WDR7: variants seen among roughly 807,000 people sequenced by gnomAD.
WDR7 encodes WD repeat-containing protein 7.
In WDR7, 46 loss-of-function variants were observed where a neutral mutation model predicts 169.4. The ratio of observed to expected loss-of-function variants is 0.27; its 90% CI spans 0.21 to 0.35. The LOEUF (loss-of-function observed/expected upper bound fraction) is 0.35. WDR7 is among the 10% of genes least tolerant of loss of function. The pLI, the probability that WDR7 is intolerant of heterozygous loss-of-function variation, is 1.00. For missense variants in WDR7, 1,534 were observed against 1,859.3 expected (o/e 0.83, Z 3.22); for synonymous variants, 612 against 666.8 (o/e 0.92, Z 1.27).
At chr18:56,695,266 T>G in intron 11 of WDR7, 68 bp downstream of exon 11, 1 of 1,544,490 alleles carries the variant, frequency 6.5e-7, no homozygotes, top group South Asian at 1.2e-5. Flanking sequence ...AAAATGTCTC[T>G]GTTTTTTGTT....
intron 21 of WDR7, among the ~76,000 whole-genome samples, chr18:56,883,146 C>T (rs1470031846): frequency 6.8e-6 from 1 of 147,394 alleles, no homozygotes; most frequent in Non-Finnish European, 1.5e-5. Context: ...GGAGGTGGAG[C>T]TTGCAGTGAG....
chr18:56,776,732 T>C (rs2044247796), intron 16 of WDR7, 50 bp from the exon 17 acceptor site: 1 of 1,524,100 alleles, frequency 6.6e-7, no homozygotes, highest in African/African-American at 1.4e-5. Flanking sequence ...TTTCAGAAAC[T>C]GCTGTACTTC....
At chr18:56,763,764 A>C (rs1227312529) in intron 16 of WDR7, among the ~76,000 whole-genome samples, 1 of 152,064 alleles carries the variant, frequency 6.6e-6, no homozygotes, top group Non-Finnish European at 1.5e-5. Flanking sequence ...AGTATTATAG[A>C]TATAGGGCTA....
intron 20 of WDR7, among the ~76,000 whole-genome samples, chr18:56,854,628 A>G (rs1373597346): frequency 6.6e-6 from 1 of 152,086 alleles, no homozygotes; most frequent in African/African-American, 2.4e-5. Flanking sequence ...GAAACCCAGT[A>G]AGCCTTATCT....
At chr18:56,922,549 G>A (rs1440978172) in intron 21 of WDR7, among the ~76,000 whole-genome samples, 1 of 152,070 alleles carries the variant, frequency 6.6e-6, no homozygotes, top group African/African-American at 2.4e-5. Flanking sequence ...ATACACATAC[G>A]AAATATGAAT....
At chr18:56,867,856 A>G (rs1339753873) in intron 20 of WDR7, among the ~76,000 whole-genome samples, 2 of 152,214 alleles carry the variant, frequency 1.3e-5, no homozygotes, top group African/African-American at 4.8e-5. Flanking sequence ...CAACAGAGGC[A>G]ACTCAGAGCC....
intron 19 of WDR7, among the ~76,000 whole-genome samples, chr18:56,785,192 A>G (rs2044379436): frequency 6.6e-6 from 1 of 152,230 alleles, no homozygotes. Context: ...CGAAGGGATC[A>G]AAAGGTTATG....
At chr18:56,947,768 G>A (rs1282345582) in intron 25 of WDR7, among the ~76,000 whole-genome samples, 1 of 152,228 alleles carries the variant, frequency 6.6e-6, no homozygotes. Flanking sequence ...GTTCTGCACA[G>A]ATGCTACTGA....
chr18:56,957,305 T>C (rs936736493), intron 25 of WDR7: 9 of 152,102 alleles, frequency 5.9e-5, no homozygotes, highest in African/African-American at 1.9e-4. Flanking sequence ...CTATAGTTTG[T>C]TACTAGAGAA....
At chr18:57,020,654 G>T in intron 26 of WDR7, 91 bp from the exon 27 acceptor site, 2 of 1,172,688 alleles carry the variant, frequency 1.7e-6, no homozygotes, top group Middle Eastern at 4.0e-4. Flanking sequence ...TACCCATGAC[G>T]TAACTTGTTC....
chr18:56,722,284 G>A (rs913442037), intron 13 of WDR7, among the ~76,000 whole-genome samples: 1 of 152,098 alleles, frequency 6.6e-6, no homozygotes, highest in African/African-American at 2.4e-5. Flanking sequence ...CATTTAAATT[G>A]ATGTTTTTCT....
intron 26 of WDR7, 68 bp from the exon 27 acceptor site, chr18:57,020,677 A>G: frequency 2.1e-6 from 3 of 1,426,122 alleles, no homozygotes; most frequent in Non-Finnish European, 3.0e-6. Context: ...CATTGAATGC[A>G]TTTGTGTGTG....
At chr18:56,946,598 A>G (rs528197137) in intron 25 of WDR7, among the ~76,000 whole-genome samples, 38 of 151,964 alleles carry the variant, frequency 2.5e-4, no homozygotes, top group Non-Finnish European at 4.4e-4. Flanking sequence ...TTCCCTCATA[A>G]TCATACCTTC....
chr18:56,843,894 G>A (rs549481093), intron 20 of WDR7, among the ~76,000 whole-genome samples: 6 of 141,056 alleles, frequency 4.3e-5, no homozygotes, highest in African/African-American at 8.0e-5. Context: ...ATGGAGTCTC[G>A]CTGTGTTGCC....
chr18:56,749,831 G>A (rs1373118979), intron 14 of WDR7, among the ~76,000 whole-genome samples: 1 of 151,656 alleles, frequency 6.6e-6, no homozygotes, highest in Non-Finnish European at 1.5e-5. Context: ...TATAATATTG[G>A]TTTTAGGAAA....
At chr18:56,778,514 T>G (rs1426814876) in intron 17 of WDR7, among the ~76,000 whole-genome samples, 1 of 152,204 alleles carries the variant, frequency 6.6e-6, no homozygotes, top group Non-Finnish European at 1.5e-5. Context: ...TTATTGTATA[T>G]GTATTTTCAC....
rs377448695 is a variant in WDR7 at position 56,945,000 on chromosome 18, TA to T, written c.4064+5608del. ...CCAAACCTTCTTATTCATCATTGAT[TA>T]TTTTTTATATCTAGCTTTTAACCTG... On this transcript the variant is annotated intron_variant, in intron 25 of 27. Coordinates refer to ENST00000254442, the MANE Select transcript of WDR7 (RefSeq NM_015285.3). Among the ~76,000 whole-genome samples the T allele has an allele frequency of 4.1e-3, 622 of 152,348 alleles. 3 individuals carry two copies. Among genetic ancestry groups the T allele is most frequent in the African/African-American group, 0.013 (546 of 41,588 alleles).
chr18:56,939,161 A>C, intron 24 of WDR7, 150 bp from the exon 25 acceptor site: 1 of 511,364 alleles, frequency 2.0e-6, no homozygotes, highest in Non-Finnish European at 3.4e-6. Flanking sequence ...TGTAGTATAC[A>C]CATGGCTTAA....
intron 21 of WDR7, among the ~76,000 whole-genome samples, chr18:56,882,927 A>G (rs532039560): frequency 6.6e-6 from 1 of 152,334 alleles, no homozygotes; most frequent in African/African-American, 2.4e-5. Context: ...ATATCTGTAT[A>G]TAAATGTAGG....
Sources: gnomAD v4.1 joint callset for allele counts (sites outside exome capture counted in the v4.1 genomes callset) on GRCh38, gnomAD v4.1.1 for gene constraint, MANE v1.5 for transcripts, NCBI Gene and HGNC (gene_info 2026-07-23, HGNC 2026-07-21) for gene names.